Variants in S100A8 observed in about 807,000 individuals in gnomAD.
S100A8 encodes the protein protein S100-A8.
Under a neutral mutation model 4.2 loss-of-function variants are expected in S100A8, and 1 was observed. The observed-to-expected ratio is 0.24, with a 90% CI of 0.08 to 1.12. The LOEUF (loss-of-function observed/expected upper bound fraction) is 1.12, where lower values mean the gene tolerates loss of function less well. Ranked by LOEUF, S100A8 falls within the 50% of genes most tolerant of loss-of-function variation. S100A8 has a pLI of 0.53. For missense variants in S100A8, 96 were observed against 111.8 expected (o/e 0.86, Z 0.64); for synonymous variants, 41 against 44.7 (o/e 0.92, Z 0.33).
the S100A8 span, chr1:153,419,506 C>G: frequency 1.6e-6 from 1 of 630,124 alleles, no homozygotes; most frequent in Non-Finnish European, 2.8e-6. Context: ...GCAACGTTCC[C>G]CCTATGGCCT....
the S100A8 span, chr1:153,418,045 G>T: frequency 3.7e-6 from 6 of 1,612,176 alleles, no homozygotes; most frequent in Non-Finnish European, 5.1e-6. Context: ...GGTAAGAAAT[G>T]ATTGTCTTTA....
At chr1:153,407,833 C>T in the S100A8 span, among the ~76,000 whole-genome samples, 19 of 152,208 alleles carry the variant, frequency 1.2e-4, no homozygotes, top group African/African-American at 2.9e-4. Context: ...CTGCAGCCTC[C>T]GCTGGTGACA....
the S100A8 span, among the ~76,000 whole-genome samples, chr1:153,408,885 T>G: frequency 6.6e-6 from 1 of 152,158 alleles, no homozygotes; most frequent in Admixed American, 6.5e-5. Context: ...TTAAGCTTCA[T>G]AAGTGGAGGA....
At chr1:153,399,791 G>A in the S100A8 span, among the ~76,000 whole-genome samples, 517 of 152,200 alleles carry the variant, frequency 3.4e-3, 1 homozygote, top group African/African-American at 0.012. Context: ...TTTCAGCTGC[G>A]ACTTGAAGAG....
In S100A8 at chr1:153,390,076, G is replaced by A. The variant is rs757740682; in HGVS notation, c.*27C>T. 1 of 1,597,516 alleles carries A rather than the reference G, an allele frequency of 6.3e-7. No individual in the cohort carries two copies. The highest frequency in any genetic ancestry group is 1.1e-5 in the South Asian group (1 of 89,950). On this transcript the variant is annotated 3_prime_UTR_variant, in exon 3 of 3. Transcript: ENST00000368733. ...TTATTCTGCAGGTACATGTCCAGGGGCCCAGCCTCTGGGCCCAGTAACTCA... is the reference window on the plus strand; with the variant it reads ...TTATTCTGCAGGTACATGTCCAGGGACCCAGCCTCTGGGCCCAGTAACTCA...
At chr1:153,416,979 C>G in the S100A8 span, among the ~76,000 whole-genome samples, 1 of 152,270 alleles carries the variant, frequency 6.6e-6, no homozygotes, top group African/African-American at 2.4e-5. Flanking sequence ...TCCAAACCCC[C>G]AGGCCTTGGA....
the S100A8 span, among the ~76,000 whole-genome samples, chr1:153,398,461 C>G: frequency 2.0e-5 from 3 of 152,216 alleles, no homozygotes; most frequent in Non-Finnish European, 4.4e-5. Context: ...CCTGCTGCCA[C>G]CACACTGTGC....
the S100A8 span, chr1:153,417,820 T>C: frequency 2.2e-6 from 1 of 452,126 alleles, no homozygotes; most frequent in Admixed American, 3.7e-5. Flanking sequence ...TGAAGCACTG[T>C]CCACAGCTGG....
chr1:153,418,646 A>T, the S100A8 span, among the ~76,000 whole-genome samples: 194 of 152,318 alleles, frequency 1.3e-3, 1 homozygote, highest in Non-Finnish European at 2.1e-3. Context: ...AAGAAAACTC[A>T]TTGGCAAATC....
the S100A8 span, among the ~76,000 whole-genome samples, chr1:153,399,687 A>C: frequency 6.6e-6 from 1 of 152,332 alleles, no homozygotes; most frequent in Admixed American, 6.5e-5. Flanking sequence ...GGCACATGGA[A>C]GCCAACTGAG....
the S100A8 span, chr1:153,418,288 A>G: frequency 1.2e-6 from 2 of 1,604,458 alleles, no homozygotes; most frequent in Non-Finnish European, 1.7e-6. Context: ...ACATTTTGCT[A>G]TGTGGCCTTG....
the S100A8 span, among the ~76,000 whole-genome samples, chr1:153,403,834 C>T: frequency 6.6e-6 from 1 of 152,052 alleles, no homozygotes; most frequent in African/African-American, 2.4e-5. Context: ...CTCTGAACAC[C>T]ATCGGGGTAT....
At chr1:153,398,031 C>A in the S100A8 span, among the ~76,000 whole-genome samples, 1 of 152,226 alleles carries the variant, frequency 6.6e-6, no homozygotes, top group Non-Finnish European at 1.5e-5. Flanking sequence ...CTCTCTACAA[C>A]CCTCAGAGTA....
Position 153,390,149 on chromosome 1 carries a change from C to A in S100A8, c.236G>T (p.Gly79Val). 1 of 1,614,028 alleles carries A rather than the reference C, an allele frequency of 6.2e-7. No individual in the cohort carries two copies. The highest frequency in any genetic ancestry group is 2.2e-5 in the East Asian group (1 of 44,868). ...QEFLILVIKM[G>V]VAAHKKSHEE... is the part of the protein sequence containing the mutation. ...ATGGCTTTTTTTGTGGGCTGCCACGCCCATCTTTATCACCAGAATGAGGAA... is the reference window on the plus strand; with the variant it reads ...ATGGCTTTTTTTGTGGGCTGCCACGACCATCTTTATCACCAGAATGAGGAA... Residue 79 changes from glycine (G) to valine (V), a missense_variant, in exon 3 of 3, where the codon GGC (glycine) becomes GTC (valine). By Grantham distance (109) the Gly-to-Val change is moderately radical. Transcript: ENST00000368733.
chr1:153,409,835 C>T, the S100A8 span, among the ~76,000 whole-genome samples: 2 of 152,208 alleles, frequency 1.3e-5, no homozygotes, highest in African/African-American at 4.8e-5. Context: ...TCACTCAAAA[C>T]CACTCAACTA....
At chr1:153,412,272 C>T in the S100A8 span, among the ~76,000 whole-genome samples, 1 of 151,948 alleles carries the variant, frequency 6.6e-6, no homozygotes, top group African/African-American at 2.4e-5. Context: ...ACAATGAACT[C>T]AAACAAATTT....
the S100A8 span, among the ~76,000 whole-genome samples, chr1:153,400,642 A>C: frequency 3.2e-3 from 484 of 152,354 alleles, 1 homozygote; most frequent in Non-Finnish European, 4.1e-3. Context: ...TTTCCCCAGC[A>C]AACAAGTGGT....
At chr1:153,408,266 A>G in the S100A8 span, among the ~76,000 whole-genome samples, 19 of 152,356 alleles carry the variant, frequency 1.2e-4, no homozygotes, top group African/African-American at 4.6e-4. Context: ...AATAGACAGC[A>G]TAGAGAAGAC....
At chr1:153,401,155 A>G in the S100A8 span, among the ~76,000 whole-genome samples, 1 of 152,248 alleles carries the variant, frequency 6.6e-6, no homozygotes, top group Non-Finnish European at 1.5e-5. Flanking sequence ...AATCAATGCT[A>G]GCCTGATTTT....
Sources: allele counts gnomAD v4.1 joint callset (sites outside exome capture counted in the v4.1 genomes callset), GRCh38; gene constraint gnomAD v4.1.1; transcripts MANE v1.5; gene names NCBI Gene and HGNC (gene_info 2026-07-23, HGNC 2026-07-21).